MARCHF1: variants seen among roughly 807,000 people sequenced by gnomAD.
MARCHF1 encodes E3 ubiquitin-protein ligase MARCHF1.
A neutral mutation model predicts 54.2 loss-of-function variants in MARCHF1; 40 were observed. The observed-to-expected ratio is 0.74, with a 90% confidence interval of 0.57 to 0.96. The LOEUF (loss-of-function observed/expected upper bound fraction) is 0.96, where lower values mean the gene tolerates loss of function less well. MARCHF1 is among the 40% of genes least tolerant of loss of function. MARCHF1 has a pLI of 0.00. For synonymous variants in MARCHF1, 236 were observed against 236.3 expected, an observed-to-expected ratio of 1.00 and a Z score of 0.01; for missense variants, 586 against 656.5, an observed-to-expected ratio of 0.89 and a Z score of 1.17.
chr4:164,004,708 C>CA (rs1157242345), intron 2 of MARCHF1, among the ~76,000 whole-genome samples: 1 of 151,850 alleles, frequency 6.6e-6, no homozygotes, highest in Non-Finnish European at 1.5e-5. Flanking sequence ...AATCACCCCC[C>CA]CCAACTGGAA....
chr4:164,213,853 T>G (rs1263466482), intron 1 of MARCHF1, among the ~76,000 whole-genome samples: 1 of 151,950 alleles, frequency 6.6e-6, no homozygotes, highest in East Asian at 1.9e-4. Context: ...AGTTTGAAAC[T>G]TCAGGCAAAA....
intron 3 of MARCHF1, among the ~76,000 whole-genome samples, chr4:163,979,799 T>A (rs1216532323): frequency 2.6e-5 from 4 of 152,176 alleles, no homozygotes; most frequent in African/African-American, 9.7e-5. Context: ...TTCATGTGTT[T>A]TTTGGCTGCA....
chr4:163,565,585 T>G (rs1212224551), intron 8 of MARCHF1, among the ~76,000 whole-genome samples: 1 of 152,188 alleles, frequency 6.6e-6, no homozygotes, highest in Non-Finnish European at 1.5e-5. Flanking sequence ...TCTCACTTTT[T>G]ATCATGAACC....
intron 2 of MARCHF1, among the ~76,000 whole-genome samples, chr4:164,026,205 G>A (rs1753765426): frequency 2.6e-5 from 4 of 152,042 alleles, no homozygotes; most frequent in Admixed American, 2.6e-4. Flanking sequence ...AAAAAACTGA[G>A]AAGTAGGGGC....
In MARCHF1 at chr4:163,750,061, T is replaced by C. The variant is rs565201766; in HGVS notation, c.112-49198A>G. Among the ~76,000 whole-genome samples, 307 of 149,646 alleles carry C rather than the reference T, an allele frequency of 2.1e-3. 1 individual carries two copies. Among genetic ancestry groups the C allele is most frequent in the African/African-American group, 7.2e-3 (294 of 40,912 alleles). On this transcript the variant is annotated intron_variant, in intron 4 of 9. Transcript: ENST00000514618. ...TCCAGCCTGGGTGACAGAGTGAGACTGTCTTGAAAAAAAAAAAGATCTCTT... is the reference window on the plus strand; with the variant it reads ...TCCAGCCTGGGTGACAGAGTGAGACCGTCTTGAAAAAAAAAAAGATCTCTT...
chr4:163,681,508 C>A (rs1429526262), intron 5 of MARCHF1, among the ~76,000 whole-genome samples: 5 of 152,134 alleles, frequency 3.3e-5, no homozygotes, highest in Admixed American at 1.3e-4. Context: ...TCATGGGAAG[C>A]ACCCATGACA....
intron 2 of MARCHF1, among the ~76,000 whole-genome samples, chr4:164,071,527 T>C (rs1424426036): frequency 6.6e-6 from 1 of 152,144 alleles, no homozygotes; most frequent in African/African-American, 2.4e-5. Context: ...TAATCTTGCA[T>C]TTAATCAAAA....
chr4:164,173,447 T>A (rs1053949091), intron 1 of MARCHF1, among the ~76,000 whole-genome samples: 1 of 152,194 alleles, frequency 6.6e-6, no homozygotes, highest in Non-Finnish European at 1.5e-5. Context: ...GACAAATTGT[T>A]AGATTAAAAT....
At chr4:163,553,775 G>T (rs967592621) in intron 8 of MARCHF1, among the ~76,000 whole-genome samples, 5 of 152,160 alleles carry the variant, frequency 3.3e-5, no homozygotes, top group Non-Finnish European at 7.3e-5. Flanking sequence ...TAAACTCAAA[G>T]CATGAGCGTG....
At chr4:163,544,677 C>T (rs893345863) in intron 9 of MARCHF1, among the ~76,000 whole-genome samples, 3 of 151,190 alleles carry the variant, frequency 2.0e-5, no homozygotes, top group Non-Finnish European at 4.4e-5. Flanking sequence ...GTGTTTTAAT[C>T]TCCTCCTTAT....
rs148679513 is a variant in MARCHF1, at chr4:164,087,985, G to A, written c.-248+23603C>T. Among the ~76,000 whole-genome samples the A allele has an allele frequency of 5.5e-3, 831 of 152,228 alleles. 10 individuals carry two copies. The highest frequency in any genetic ancestry group is 0.019 in the African/African-American group (783 of 41,526). ...ATAGAGCAGAAATTTGAGTAGAGAC[G>A]TTAAATTGAGATATGACATAAAAAT... On this transcript the variant is annotated intron_variant, in intron 2 of 9. Coordinates refer to ENST00000514618, the MANE Select transcript of MARCHF1 (RefSeq NM_001394959.1).
At chr4:163,602,963 T>C (rs1741020196) in intron 7 of MARCHF1, among the ~76,000 whole-genome samples, 1 of 152,142 alleles carries the variant, frequency 6.6e-6, no homozygotes, top group Non-Finnish European at 1.5e-5. Flanking sequence ...GACAAAGAAC[T>C]TTCTCACAAT....
chr4:164,098,371 T>C (rs564460843), intron 2 of MARCHF1, among the ~76,000 whole-genome samples: 2 of 152,130 alleles, frequency 1.3e-5, no homozygotes, highest in Admixed American at 6.5e-5. Flanking sequence ...AACCCTGAAA[T>C]AGAGAACAAA....
At chr4:163,720,956 C>T (rs1702420282) in intron 4 of MARCHF1, among the ~76,000 whole-genome samples, 1 of 152,180 alleles carries the variant, frequency 6.6e-6, no homozygotes, top group African/African-American at 2.4e-5. Context: ...TCCAAATATA[C>T]AATCATGTCA....
At chr4:164,025,677 A>G (rs1753752516) in intron 2 of MARCHF1, among the ~76,000 whole-genome samples, 1 of 151,778 alleles carries the variant, frequency 6.6e-6, no homozygotes, top group Non-Finnish European at 1.5e-5. Flanking sequence ...AAAAAAAACA[A>G]CAAACCAGCC....
At chr4:164,268,034 C>A (rs1733652723) in intron 1 of MARCHF1, among the ~76,000 whole-genome samples, 2 of 152,068 alleles carry the variant, frequency 1.3e-5, no homozygotes, top group Non-Finnish European at 2.9e-5. Flanking sequence ...TCAAAGCAAG[C>A]TCATAAGATC....
intron 3 of MARCHF1, among the ~76,000 whole-genome samples, chr4:163,975,120 C>T (rs1178651163): frequency 6.7e-6 from 1 of 149,878 alleles, no homozygotes; most frequent in Admixed American, 6.7e-5. Flanking sequence ...AATCTTGGGA[C>T]TTCTCAGCCT....
At chr4:164,260,303 C>T (rs1191165498) in intron 1 of MARCHF1, among the ~76,000 whole-genome samples, 1 of 152,004 alleles carries the variant, frequency 6.6e-6, no homozygotes, top group African/African-American at 2.4e-5. Flanking sequence ...AATGAGACCA[C>T]TGGGTTCAGT....
intron 8 of MARCHF1, 91 bp from the exon 9 acceptor site, chr4:163,545,834 G>A (rs1345484660): frequency 2.8e-6 from 3 of 1,083,368 alleles, no homozygotes; most frequent in East Asian, 2.4e-5. Context: ...ATGAATGGAA[G>A]AAAAACAGTA....
Sources: allele counts gnomAD v4.1 joint callset (sites outside exome capture counted in the v4.1 genomes callset), GRCh38; gene constraint gnomAD v4.1.1; transcripts MANE v1.5; gene names NCBI Gene and HGNC (gene_info 2026-07-23, HGNC 2026-07-21).